Variants in SYT14 observed in about 807,000 individuals in gnomAD.
The protein encoded by SYT14 is synaptotagmin 14.
SYT14 carries 32 observed loss-of-function variants against 74.2 expected under a neutral mutation model. The ratio of observed to expected loss-of-function variants is 0.43; its 90% confidence interval spans 0.33 to 0.58. SYT14 has a LOEUF of 0.58. Among genes scored for constraint, SYT14 ranks in the 20% least tolerant of loss-of-function variants. The pLI, the probability that SYT14 is intolerant of heterozygous loss-of-function variation, is 0.05. For synonymous variants in SYT14, 298 were observed against 337.7 expected, an observed-to-expected ratio of 0.88 and a Z score of 1.29; for missense variants, 791 against 981.8, an observed-to-expected ratio of 0.81 and a Z score of 2.60.
intron 5 of SYT14, among the ~76,000 whole-genome samples, chr1:210,045,447 T>C (rs938821301): frequency 6.6e-6 from 1 of 152,208 alleles, no homozygotes; most frequent in Admixed American, 6.5e-5. Context: ...GGAGGACATA[T>C]TCTTTTTTTG....
intron 5 of SYT14, among the ~76,000 whole-genome samples, chr1:210,073,295 CAA>C (rs2081429154): frequency 6.6e-6 from 1 of 151,828 alleles, no homozygotes; most frequent in African/African-American, 2.4e-5. Context: ...ATATGAATAA[CAA>C]GAAAACAAAG....
intron 1 of SYT14, among the ~76,000 whole-genome samples, chr1:209,949,134 G>A (rs908663670): frequency 6.6e-6 from 1 of 152,112 alleles, no homozygotes; most frequent in Admixed American, 6.5e-5. Flanking sequence ...CATAAAATTT[G>A]TACAAAGTTC....
chr1:210,115,822 C>G lies in SYT14; in HGVS notation c.2034+15361C>G, dbSNP rs887687591. On this transcript the variant is annotated intron_variant, in intron 7 of 9. Transcript: ENST00000637265. ...GGGATTGATCTCCCAAGGGAGGTCT[C>G]CCAGTCTGAGTCACGGCACCAAATT... is the stretch of plus-strand genomic sequence containing the variant. Among the ~76,000 whole-genome samples, 10 of 151,246 alleles carry G rather than the reference C, an allele frequency of 6.6e-5. 1 individual carries two copies. The highest frequency in any genetic ancestry group is 2.2e-4 in the African/African-American group (9 of 40,540).
At chr1:210,056,913 C>T (rs868285004) in intron 5 of SYT14, among the ~76,000 whole-genome samples, 7 of 151,984 alleles carry the variant, frequency 4.6e-5, no homozygotes, top group South Asian at 2.1e-4. Context: ...GCTGCAGTCT[C>T]GTCTCACTGC....
At chr1:210,169,167 A>G (rs2083490347) in exon 10 of SYT14, 1 of 148,804 alleles carries the variant, frequency 6.7e-6, no homozygotes, top group African/African-American at 2.5e-5. Flanking sequence ...ACTGAAGTAC[A>G]TACCATACAG....
At chr1:210,168,095 G>A (rs1395866140) in exon 10 of SYT14, 4 of 153,724 alleles carry the variant, frequency 2.6e-5, no homozygotes, top group South Asian at 2.0e-4. Flanking sequence ...TGGTGGTTGT[G>A]TACTTACCTT....
chr1:209,981,550 AG>A (rs2079487769), intron 2 of SYT14, among the ~76,000 whole-genome samples: 1 of 139,320 alleles, frequency 7.2e-6, no homozygotes. Context: ...TTCTGTGCTT[AG>A]GCAGTCCTCC....
At chr1:210,102,907 G>T (rs2082093926) in intron 7 of SYT14, among the ~76,000 whole-genome samples, 1 of 151,910 alleles carries the variant, frequency 6.6e-6, no homozygotes. Flanking sequence ...TGAACTCCTG[G>T]CCTGAAGCGA....
At chr1:210,012,102 A>T (rs2080095650) in intron 2 of SYT14, among the ~76,000 whole-genome samples, 1 of 152,074 alleles carries the variant, frequency 6.6e-6, no homozygotes, top group African/African-American at 2.4e-5. Flanking sequence ...ATATAATGTG[A>T]TTTTCTGTCT....
At chr1:210,059,388 A>T (rs1348169321) in intron 5 of SYT14, among the ~76,000 whole-genome samples, 1 of 147,728 alleles carries the variant, frequency 6.8e-6, no homozygotes, top group South Asian at 2.2e-4. Context: ...GAGTAAGATA[A>T]ATTATATATA....
At chr1:210,136,037 C>T (rs933196466) in intron 7 of SYT14, among the ~76,000 whole-genome samples, 4 of 152,108 alleles carry the variant, frequency 2.6e-5, no homozygotes, top group African/African-American at 9.7e-5. Flanking sequence ...GAGACTTAAG[C>T]ATATTTAAAT....
chr1:210,156,683 CTTTTTTTT>C lies in SYT14; in HGVS notation c.2224+794_2224+801del, dbSNP rs71146208. ...AGGTAAACTGGGAAAGTGGCAGCTT[CTTTTTTTT>C]TTTTTTTTTTTTTTTTTTTTGGAGA... On this transcript the variant is annotated intron_variant, in intron 8 of 9. Coordinates refer to ENST00000637265, the Ensembl canonical transcript of SYT14. 7.9e-4 allele frequency among the ~76,000 whole-genome samples: 44 copies of C among 55,994 alleles called. 1 individual carries two copies. In the South Asian group the frequency reaches 8.0e-3, roughly 10 times the overall value. 36.7% of individuals were successfully genotyped at this position (55,994 alleles called of 152,430 possible).
chr1:210,102,171 G>T (rs947322394), intron 7 of SYT14, among the ~76,000 whole-genome samples: 2 of 152,034 alleles, frequency 1.3e-5, no homozygotes, highest in Non-Finnish European at 2.9e-5. Flanking sequence ...TGTCATGGGG[G>T]TTTGTTTTAC....
chr1:210,144,095 A>G (rs947362588), intron 7 of SYT14, among the ~76,000 whole-genome samples: 2 of 152,150 alleles, frequency 1.3e-5, no homozygotes, highest in Non-Finnish European at 2.9e-5. Flanking sequence ...CAGTTATGCA[A>G]TTGCTGCTAA....
At chr1:210,030,857 G>GGTGAA (rs1205641997) in intron 5 of SYT14, among the ~76,000 whole-genome samples, 2 of 152,040 alleles carry the variant, frequency 1.3e-5, no homozygotes, top group Admixed American at 1.3e-4. Flanking sequence ...AACCAGACAT[G>GGTGAA]GTGAACTTGG....
chr1:210,028,328 C>G (rs1278266159), intron 5 of SYT14, among the ~76,000 whole-genome samples: 2 of 152,028 alleles, frequency 1.3e-5, no homozygotes, highest in Non-Finnish European at 2.9e-5. Context: ...GTGTGCAGCT[C>G]AATAGTTTTC....
chr1:209,978,259 C>T (rs181736836), intron 2 of SYT14, among the ~76,000 whole-genome samples: 1,572 of 152,294 alleles, frequency 0.01, 33 homozygotes, highest in African/African-American at 0.036. Flanking sequence ...GAGCTGCGTT[C>T]CTTTGGAGGA....
chr1:210,137,541 A>C (rs1252134354), intron 7 of SYT14, among the ~76,000 whole-genome samples: 3 of 152,154 alleles, frequency 2.0e-5, no homozygotes, highest in Non-Finnish European at 4.4e-5. Flanking sequence ...GATATGTTAA[A>C]ACTTTCAGAA....
intron 7 of SYT14, among the ~76,000 whole-genome samples, chr1:210,133,946 G>A (rs935711198): frequency 6.6e-6 from 1 of 151,362 alleles, no homozygotes; most frequent in African/African-American, 2.4e-5. Flanking sequence ...AAGTAGGGAA[G>A]CTAAAGTTTC....
Sources: allele counts gnomAD v4.1 joint callset (sites outside exome capture counted in the v4.1 genomes callset), GRCh38; gene constraint gnomAD v4.1.1; transcripts MANE v1.5; gene names NCBI Gene and HGNC (gene_info 2026-07-23, HGNC 2026-07-21).